Variants in MYT1L observed in about 807,000 individuals in gnomAD.
MYT1L encodes the protein myelin transcription factor 1-like protein.
MYT1L carries 12 observed loss-of-function variants against 126.7 expected under a neutral mutation model. The observed-to-expected ratio is 0.09, with a 90% CI of 0.06 to 0.15. MYT1L has a LOEUF of 0.15. Among genes scored for constraint, MYT1L ranks in the 10% least tolerant of loss-of-function variants. MYT1L has a pLI of 1.00. For missense variants in MYT1L, 979 were observed against 1,585.2 expected (o/e 0.62, Z 6.49); for synonymous variants, 541 against 604.2 (o/e 0.90, Z 1.53).
intron 1 of MYT1L, among the ~76,000 whole-genome samples, chr2:2,314,624 T>C (rs939484160): frequency 1.3e-5 from 2 of 152,204 alleles, no homozygotes; most frequent in African/African-American, 4.8e-5. Flanking sequence ...TAGGTAAACA[T>C]GTGCCATGAT....
intron 4 of MYT1L, among the ~76,000 whole-genome samples, chr2:2,021,733 T>C (rs1371770945): frequency 6.6e-6 from 1 of 152,026 alleles, no homozygotes; most frequent in African/African-American, 2.4e-5. Flanking sequence ...CCGTCTCTAC[T>C]AAAAATACAA....
intron 18 of MYT1L, among the ~76,000 whole-genome samples, chr2:1,883,029 C>T (rs1558265291): frequency 6.6e-6 from 1 of 152,200 alleles, no homozygotes; most frequent in Non-Finnish European, 1.5e-5. Context: ...GGGACCATCG[C>T]AAGGCCAAGG....
chr2:1,922,262 A>G lies in MYT1L; in HGVS notation c.1483+24T>C. Reference sequence around the variant, plus strand: ...CCCTAGCTCATGTTTTCATGAGGCAACTTACGTTAGGTAGAAATATTACCT... The same window carrying G: ...CCCTAGCTCATGTTTTCATGAGGCAGCTTACGTTAGGTAGAAATATTACCT... On this transcript the variant is annotated intron_variant, in intron 10 of 24. Coordinates refer to ENST00000647738, the MANE Select transcript of MYT1L (RefSeq NM_001303052.2). The surrounding 1 kb of genome is among the most constrained non-coding windows in gnomAD (Gnocchi z 7.4). The G allele has an allele frequency of 6.2e-7, 1 of 1,605,108 alleles. No individual in the cohort carries two copies. The highest frequency in any genetic ancestry group is 8.5e-7 in the Non-Finnish European group (1 of 1,174,012).
At chr2:2,176,391 A>G (rs1327388351) in intron 2 of MYT1L, among the ~76,000 whole-genome samples, 1 of 152,156 alleles carries the variant, frequency 6.6e-6, no homozygotes, top group African/African-American at 2.4e-5. Flanking sequence ...GGAACATTGG[A>G]AAGTATTTTT....
At chr2:1,792,745 C>T (rs940373046) in intron 23 of MYT1L, among the ~76,000 whole-genome samples, 4 of 151,946 alleles carry the variant, frequency 2.6e-5, no homozygotes, top group Non-Finnish European at 5.9e-5. Flanking sequence ...TGGCGTGCGC[C>T]TGTAATCCCA....
Position 1,836,474 on chromosome 2 carries a change from C to T in MYT1L, c.3080+2675G>A, listed in dbSNP as rs574370958. Among the ~76,000 whole-genome samples, 9 of 149,938 alleles carry T rather than the reference C, an allele frequency of 6.0e-5. No homozygotes were observed. The South Asian group carries it at 1.3e-3, about 21-fold the overall frequency. ...TTCCATCAGCCTGTGCCCCCAAATTCGACCAGCCTGCACCCCAAAATTCCA... is the reference window on the plus strand; with the variant it reads ...TTCCATCAGCCTGTGCCCCCAAATTTGACCAGCCTGCACCCCAAAATTCCA... On this transcript the variant is annotated intron_variant, in intron 21 of 24. Transcript: ENST00000647738.
chr2:2,066,359 C>G (rs1470904474), intron 3 of MYT1L, among the ~76,000 whole-genome samples: 2 of 152,176 alleles, frequency 1.3e-5, no homozygotes, highest in East Asian at 3.8e-4. Flanking sequence ...CCCCTGGCAT[C>G]TCAGTCTTCA....
intron 3 of MYT1L, among the ~76,000 whole-genome samples, chr2:2,170,018 C>G (rs2089786889): frequency 6.6e-6 from 1 of 152,210 alleles, no homozygotes; most frequent in African/African-American, 2.4e-5. Flanking sequence ...GCTCTGATTT[C>G]CACAGAGGTG....
rs533962666 is a variant in MYT1L, at chr2:1,839,441, A to G, written c.2859-71T>C. 876 of 1,361,782 alleles carry G rather than the reference A, an allele frequency of 6.4e-4. 7 individuals are homozygous for G. The African/African-American group carries it at 0.012, about 18-fold the overall frequency. 84.4% of individuals were successfully genotyped at this position (1,361,782 alleles called of 1,614,324 possible). A position where few individuals can be genotyped will look rare whatever the true frequency, so the allele number is the denominator to read the frequency against. ...GCCTGGTGGCTTCTGTAACAAAGTCAGAATAACCCGGCATGAAGAAGAAAA... is the reference window on the plus strand; with the variant it reads ...GCCTGGTGGCTTCTGTAACAAAGTCGGAATAACCCGGCATGAAGAAGAAAA... On this transcript the variant is annotated intron_variant, in intron 20 of 24. Transcript: ENST00000647738.
intron 2 of MYT1L, among the ~76,000 whole-genome samples, chr2:2,175,531 T>C (rs1324193850): frequency 1.3e-5 from 2 of 151,970 alleles, no homozygotes; most frequent in East Asian, 3.9e-4. Flanking sequence ...CTCAGACGTA[T>C]AACACTGAAC....
chr2:1,999,945 T>C (rs2062204701), intron 4 of MYT1L, among the ~76,000 whole-genome samples: 1 of 152,258 alleles, frequency 6.6e-6, no homozygotes, highest in Admixed American at 6.5e-5. Flanking sequence ...AGTTGTCATA[T>C]AAAGCATGCT....
intron 8 of MYT1L, among the ~76,000 whole-genome samples, chr2:1,975,618 C>T (rs1443620151): frequency 2.0e-5 from 3 of 151,922 alleles, no homozygotes; most frequent in Non-Finnish European, 4.4e-5. Flanking sequence ...GATCCCAGCA[C>T]TTTGGGAGGC....
chr2:1,862,872 A>T lies in MYT1L; in HGVS notation c.2712-11169T>A, dbSNP rs538265949. 1.2e-4 allele frequency among the ~76,000 whole-genome samples: 18 copies of T among 152,132 alleles called. No homozygotes were observed. The East Asian group carries it at 3.3e-3, about 28-fold the overall frequency. On this transcript the variant is annotated intron_variant, in intron 18 of 24. Coordinates refer to ENST00000647738, the MANE Select transcript of MYT1L (RefSeq NM_001303052.2). ...GGAGAGGGAAAATCAAGAAGGAGAG[A>T]GGTGAGTAGGGAAGATGGGAGAAGA...
At chr2:1,924,909 A>T (rs925432099) in intron 9 of MYT1L, among the ~76,000 whole-genome samples, 1 of 152,204 alleles carries the variant, frequency 6.6e-6, no homozygotes, top group Non-Finnish European at 1.5e-5. Flanking sequence ...TAGGACTTGA[A>T]GTCAATCCCA....
chr2:2,153,537 A>G (rs576243543), intron 3 of MYT1L, among the ~76,000 whole-genome samples: 2 of 152,106 alleles, frequency 1.3e-5, no homozygotes, highest in Non-Finnish European at 2.9e-5. Context: ...GAAGAGGAGG[A>G]AGGCAGAGGC....
In MYT1L at chr2:2,114,150, C is replaced by T. The variant is rs192127633; in HGVS notation, c.-304+58722G>A. Among the ~76,000 whole-genome samples the T allele has an allele frequency of 1.2e-4, 19 of 152,352 alleles. No individual in the cohort carries two copies. The East Asian group carries it at 2.7e-3, about 22-fold the overall frequency. ...AAGGGAGCTGGAGCTCAGAGTAATA[C>T]GCCCAGTCATGCAGTGGATTGTAAG... On this transcript the variant is annotated intron_variant, in intron 3 of 24. Transcript: ENST00000647738.
intron 3 of MYT1L, among the ~76,000 whole-genome samples, chr2:2,054,917 G>A (rs1365332625): frequency 1.3e-5 from 2 of 151,676 alleles, no homozygotes; most frequent in African/African-American, 4.8e-5. Context: ...TGGAGATTAT[G>A]AACACATGGA....
intron 2 of MYT1L, among the ~76,000 whole-genome samples, chr2:2,181,220 CTG>C (rs371916431): frequency 4.6e-5 from 7 of 151,388 alleles, no homozygotes; most frequent in East Asian, 3.9e-4. Flanking sequence ...GTGTTTGTGC[CTG>C]TGTGTGTACC....
intron 1 of MYT1L, among the ~76,000 whole-genome samples, chr2:2,299,034 A>T (rs1310366790): frequency 6.6e-6 from 1 of 152,002 alleles, no homozygotes; most frequent in East Asian, 1.9e-4. Context: ...CTGTATTTTT[A>T]GTAGAGACAG....
Sources: gnomAD v4.1 joint callset for allele counts (sites outside exome capture counted in the v4.1 genomes callset) on GRCh38, gnomAD v4.1.1 for gene constraint, Gnocchi (gnomAD v3.1) non-coding constraint, MANE v1.5 for transcripts, NCBI Gene and HGNC (gene_info 2026-07-23, HGNC 2026-07-21) for gene names.